PID1: variants seen among roughly 807,000 people sequenced by gnomAD.
PID1 encodes the protein PTB-containing, cubilin and LRP1-interacting protein.
PID1 carries 10 observed loss-of-function variants against 19.1 expected under a neutral mutation model. The ratio of observed to expected loss-of-function variants is 0.52; its 90% CI spans 0.32 to 0.89. The LOEUF (loss-of-function observed/expected upper bound fraction) is 0.89, where lower values mean the gene tolerates loss of function less well. Ranked by LOEUF, PID1 falls within the 40% of genes least tolerant of loss-of-function variation. The pLI is 0.03. For synonymous variants in PID1, 130 were observed against 116.0 expected (o/e 1.12, Z -0.78); for missense variants, 248 against 285.3 (o/e 0.87, Z 0.94).
At chr2:229,262,125 G>C (rs185702590) in intron 1 of PID1, among the ~76,000 whole-genome samples, 359 of 152,294 alleles carry the variant, frequency 2.4e-3, no homozygotes, top group African/African-American at 8.3e-3. Flanking sequence ...GCTACCCAGA[G>C]AGCCTACAGG....
At chr2:229,206,459 A>G (rs1202181782) in intron 1 of PID1, among the ~76,000 whole-genome samples, 3 of 152,166 alleles carry the variant, frequency 2.0e-5, no homozygotes, top group African/African-American at 7.2e-5. Context: ...GCCTGACAAG[A>G]CCCTTAAATT....
chr2:229,035,327 G>A lies in PID1; in HGVS notation c.178-9219C>T, dbSNP rs372290913. On this transcript the variant is annotated intron_variant, in intron 2 of 2. Transcript: ENST00000392055. ...CTGATTTCTGACTCAAGACTGCAAC[G>A]TCTCTTCCCTGGATCTCCTGTCTGC... 1.7e-4 allele frequency among the ~76,000 whole-genome samples: 26 copies of A among 152,226 alleles called. No individual in the cohort carries two copies. The East Asian group carries it at 4.1e-3, about 24-fold the overall frequency.
chr2:229,228,516 A>AT (rs763351394), intron 1 of PID1, among the ~76,000 whole-genome samples: 1 of 152,222 alleles, frequency 6.6e-6, no homozygotes, highest in Non-Finnish European at 1.5e-5. Context: ...ATAAATTTAC[A>AT]TTTTTTAAAA....
chr2:229,197,230 C>A (rs1217546765), intron 1 of PID1, among the ~76,000 whole-genome samples: 1 of 151,942 alleles, frequency 6.6e-6, no homozygotes. Flanking sequence ...GTAATAGTGG[C>A]AACTTAATTG....
chr2:229,183,439 G>A lies in PID1; in HGVS notation c.31-27475C>T, dbSNP rs944412487. Among the ~76,000 whole-genome samples, 16 of 152,230 alleles carry A rather than the reference G, an allele frequency of 1.1e-4. 1 individual carries two copies. The highest frequency in any genetic ancestry group is 3.4e-4 in the African/African-American group (14 of 41,458). On this transcript the variant is annotated intron_variant, in intron 1 of 2. Coordinates refer to ENST00000392055, the MANE Select transcript of PID1 (RefSeq NM_001100818.2). ...TATTTGGTCAAACATTATTCTAAGTGTGTCTATGAGGGTGTGTTGGGTGAG... is the reference window on the plus strand; with the variant it reads ...TATTTGGTCAAACATTATTCTAAGTATGTCTATGAGGGTGTGTTGGGTGAG...
intron 1 of PID1, among the ~76,000 whole-genome samples, chr2:229,156,968 G>A (rs1690386234): frequency 1.3e-5 from 2 of 152,198 alleles, no homozygotes; most frequent in African/African-American, 4.8e-5. Flanking sequence ...GTATTTGCAA[G>A]TCTTGCTTCC....
chr2:229,106,110 A>T (rs1429715354), intron 2 of PID1, among the ~76,000 whole-genome samples: 1 of 151,782 alleles, frequency 6.6e-6, no homozygotes, highest in African/African-American at 2.4e-5. Flanking sequence ...GAAGAAAGAA[A>T]GAAATAAACA....
At chr2:229,195,260 T>C (rs1029439472) in intron 1 of PID1, among the ~76,000 whole-genome samples, 2 of 151,836 alleles carry the variant, frequency 1.3e-5, no homozygotes, top group Admixed American at 1.3e-4. Flanking sequence ...TGTCCCTTCC[T>C]TCCCCCATTG....
At chr2:229,238,031 T>A (rs1689762837) in intron 1 of PID1, among the ~76,000 whole-genome samples, 1 of 152,234 alleles carries the variant, frequency 6.6e-6, no homozygotes. Context: ...TACTTTAAGT[T>A]TTCACTTTTA....
At chr2:229,143,179 C>T (rs974451410) in intron 2 of PID1, among the ~76,000 whole-genome samples, 5 of 142,714 alleles carry the variant, frequency 3.5e-5, no homozygotes, top group Admixed American at 1.5e-4. Flanking sequence ...GGGAACATCA[C>T]ACTCTGGGGA....
intron 2 of PID1, among the ~76,000 whole-genome samples, chr2:229,084,277 T>C (rs934089014): frequency 7.9e-5 from 12 of 152,154 alleles, no homozygotes; most frequent in Admixed American, 2.0e-4. Context: ...CCACCTCCTG[T>C]ATTATTTATT....
chr2:229,039,293 C>T (rs888361118), intron 2 of PID1, among the ~76,000 whole-genome samples: 1 of 152,058 alleles, frequency 6.6e-6, no homozygotes, highest in Non-Finnish European at 1.5e-5. Flanking sequence ...GAACCATAAA[C>T]TTATATTAGG....
intron 1 of PID1, among the ~76,000 whole-genome samples, chr2:229,213,702 T>A (rs1257448813): frequency 2.0e-5 from 3 of 152,196 alleles, no homozygotes; most frequent in African/African-American, 7.2e-5. Context: ...ATATCTTCCT[T>A]CTATTCTCAG....
chr2:229,263,075 A>T (rs976809173), intron 1 of PID1, among the ~76,000 whole-genome samples: 16 of 152,232 alleles, frequency 1.1e-4, no homozygotes, highest in African/African-American at 3.9e-4. Flanking sequence ...TGAATAACAT[A>T]TGGAGGCTTG....
At chr2:229,052,341 T>G (rs1180715417) in intron 2 of PID1, among the ~76,000 whole-genome samples, 1 of 152,108 alleles carries the variant, frequency 6.6e-6, no homozygotes, top group Non-Finnish European at 1.5e-5. Context: ...ACCAAATAAA[T>G]TTCAGACTTC....
intron 2 of PID1, among the ~76,000 whole-genome samples, chr2:229,111,563 T>G (rs1695299292): frequency 6.6e-6 from 1 of 152,188 alleles, no homozygotes; most frequent in South Asian, 2.1e-4. Context: ...GGCCAAGGAA[T>G]TCAAACAGGA....
At chr2:229,058,239 C>A (rs186838164) in intron 2 of PID1, among the ~76,000 whole-genome samples, 35 of 152,324 alleles carry the variant, frequency 2.3e-4, no homozygotes, top group African/African-American at 7.2e-4. Context: ...ACACAACCAG[C>A]AGTTTTACTG....
intron 2 of PID1, among the ~76,000 whole-genome samples, chr2:229,104,475 C>T (rs1050664780): frequency 6.6e-6 from 1 of 152,166 alleles, no homozygotes; most frequent in Non-Finnish European, 1.5e-5. Context: ...AATGTGTACT[C>T]CTATTAGTTT....
At chr2:229,249,467 T>C (rs1352585805) in intron 1 of PID1, among the ~76,000 whole-genome samples, 1 of 152,174 alleles carries the variant, frequency 6.6e-6, no homozygotes, top group African/African-American at 2.4e-5. Flanking sequence ...AAGCATGACA[T>C]AAATATATTC....
Sources: allele counts gnomAD v4.1 joint callset (sites outside exome capture counted in the v4.1 genomes callset), GRCh38; gene constraint gnomAD v4.1.1; transcripts MANE v1.5; gene names NCBI Gene and HGNC (gene_info 2026-07-23, HGNC 2026-07-21).